The following CCDC63 variants were observed in gnomAD, a reference collection of about 807,000 sequenced individuals.
The protein encoded by CCDC63 is coiled-coil domain-containing protein 63.
In CCDC63, 54 loss-of-function variants were observed where a neutral mutation model predicts 63.6. The observed-to-expected ratio is 0.85, with a 90% CI of 0.68 to 1.07. CCDC63 has a LOEUF of 1.07. CCDC63 is among the 50% of genes least tolerant of loss of function. The probability of loss-of-function intolerance (pLI) is 0.00; values close to 1 mark genes in which losing one functional copy is unlikely to be tolerated. For missense variants in CCDC63, 637 were observed against 689.6 expected (o/e 0.92, Z 0.86); for synonymous variants, 253 against 266.1 (o/e 0.95, Z 0.48).
At chr12:110,863,522 G>A (rs1452335044) in intron 4 of CCDC63, among the ~76,000 whole-genome samples, 1 of 151,184 alleles carries the variant, frequency 6.6e-6, no homozygotes, top group Non-Finnish European at 1.5e-5. Context: ...TATCTGACTG[G>A]AAATAGGCTG....
chr12:110,881,275 G>A lies in CCDC63; in HGVS notation c.832G>A (p.Glu278Lys). 2 of 1,613,502 alleles carry A rather than the reference G, an allele frequency of 1.2e-6. No homozygotes were observed. The highest frequency in any genetic ancestry group is 2.2e-5 in the East Asian group (1 of 44,856). Residue 278 changes from glutamate (E) to lysine (K), a missense_variant, in exon 7 of 12, where the codon GAG (glutamate) becomes AAG (lysine). By Grantham distance (56) the Glu-to-Lys change is moderately conservative. Transcript: ENST00000308208. Reference sequence around the variant, plus strand: ...GCTGAATGATCGCAATGAATTCGAGGAGCAGGCCAAAAGGGAGGAAGGTAC... The same window carrying A: ...GCTGAATGATCGCAATGAATTCGAGAAGCAGGCCAAAAGGGAGGAAGGTAC... ...VKLNDRNEFE[E>K]QAKREEALKA...
At chr12:110,859,165 T>C (rs1194672036) in intron 4 of CCDC63, among the ~76,000 whole-genome samples, 1 of 152,204 alleles carries the variant, frequency 6.6e-6, no homozygotes, top group Admixed American at 6.5e-5. Flanking sequence ...GTGGGTTGGC[T>C]AAGAGCCCTT....
intron 9 of CCDC63, among the ~76,000 whole-genome samples, chr12:110,896,394 C>CGGCTGATTGCTGGTTGAGAG (rs1193173991): frequency 1.3e-5 from 2 of 152,176 alleles, no homozygotes; most frequent in Admixed American, 1.3e-4. Flanking sequence ...TGGAGGAAGC[C>CGGCTGATTGCTGGTTGAGAG]ACCTGATGTG....
In CCDC63 at chr12:110,884,080, A is replaced by G; in HGVS notation, c.904A>G (p.Ser302Gly). ...GAAGAACAGGGGAGAGAGTTTTGAG[A>G]GCTATGAGGTGGCCCACCTCCGGCT... is the stretch of plus-strand genomic sequence containing the variant. ...VKKNRGESFESYEVAHLRLLK... is the reference protein window; with the variant it reads ...VKKNRGESFEGYEVAHLRLLK... The change falls in exon 8 of 12, where the codon AGC (serine) becomes GGC (glycine). Residue 302 changes from serine to glycine, a missense_variant. Coordinates refer to ENST00000308208, the MANE Select transcript of CCDC63 (RefSeq NM_152591.3). The G allele has an allele frequency of 6.2e-7, 1 of 1,614,066 alleles. No homozygotes were observed. The highest frequency in any genetic ancestry group is 8.5e-7 in the Non-Finnish European group (1 of 1,180,006).
rs140510169 is a variant in CCDC63 at position 110,906,662 on chromosome 12, GCACA to G, written c.1547-661_1547-658del. ...ACACACACACATGCACACAACACAT[GCACA>G]CACACACGCACACACAGAGATCCTG... On this transcript the variant is annotated intron_variant, in intron 11 of 11. Transcript: ENST00000308208. Among the ~76,000 whole-genome samples, 67 of 151,812 alleles carry G rather than the reference GCACA, an allele frequency of 4.4e-4. 1 individual carries two copies. The East Asian group carries it at 0.01, about 23-fold the overall frequency.
chr12:110,864,682 T>G (rs1386798810), intron 4 of CCDC63, among the ~76,000 whole-genome samples: 1 of 148,134 alleles, frequency 6.8e-6, no homozygotes, highest in Non-Finnish European at 1.5e-5. Context: ...TACTCCAGCC[T>G]GGGCAACAGA....
intron 8 of CCDC63, among the ~76,000 whole-genome samples, chr12:110,884,853 T>TG (rs1491542741): frequency 8.2e-5 from 1 of 12,136 alleles, no homozygotes; most frequent in Non-Finnish European, 1.5e-4. Flanking sequence ...CGCCCTGCTA[T>TG]TTTTTTTTTT....
chr12:110,854,259 T>C (rs943917799), intron 3 of CCDC63, among the ~76,000 whole-genome samples: 4 of 149,502 alleles, frequency 2.7e-5, no homozygotes, highest in Admixed American at 2.0e-4. Flanking sequence ...TCTTTTCTTT[T>C]TTTTTTTTTT....
intron 10 of CCDC63, among the ~76,000 whole-genome samples, chr12:110,901,296 C>A (rs190054803): frequency 2.0e-5 from 3 of 152,232 alleles, no homozygotes; most frequent in Non-Finnish European, 2.9e-5. Context: ...CAATTATACT[C>A]TTTTAGTTAT....
chr12:110,891,032 G>A (rs1333377872), intron 8 of CCDC63, among the ~76,000 whole-genome samples: 1 of 151,992 alleles, frequency 6.6e-6, no homozygotes, highest in Non-Finnish European at 1.5e-5. Flanking sequence ...GCCCACCTTG[G>A]CCTCCCAAAG....
At chr12:110,852,207 T>C (rs1178586896) in intron 1 of CCDC63, among the ~76,000 whole-genome samples, 1 of 152,170 alleles carries the variant, frequency 6.6e-6, no homozygotes, top group Non-Finnish European at 1.5e-5. Context: ...ACAGCTGCAA[T>C]TGAAGTTGGG....
chr12:110,864,720 A>G (rs936741392), intron 4 of CCDC63, among the ~76,000 whole-genome samples: 1 of 152,044 alleles, frequency 6.6e-6, no homozygotes, highest in Non-Finnish European at 1.5e-5. Flanking sequence ...AAAAAAAAAA[A>G]AGAGAAAATA....
intron 5 of CCDC63, among the ~76,000 whole-genome samples, chr12:110,879,000 T>A (rs1315770863): frequency 6.6e-6 from 1 of 152,256 alleles, no homozygotes; most frequent in African/African-American, 2.4e-5. Context: ...TTTGCTTTAT[T>A]TGCTTCACCA....
intron 5 of CCDC63, among the ~76,000 whole-genome samples, chr12:110,877,960 G>A (rs897735426): frequency 5.3e-5 from 8 of 151,874 alleles, no homozygotes; most frequent in Non-Finnish European, 1.2e-4. Flanking sequence ...ACCCGCCTCA[G>A]CCTCCCAAAG....
rs576131337 is a variant in CCDC63, at chr12:110,902,178, G to C, written c.1343-2410G>C. Among the ~76,000 whole-genome samples, 41 of 152,282 alleles carry C rather than the reference G, an allele frequency of 2.7e-4. No individual in the cohort carries two copies. In the South Asian group the frequency reaches 4.8e-3, roughly 18 times the overall value. ...AGGCGAGCCACTCTTATCAGTTAAT[G>C]GTGTTGGGAATCCTGCTGAAATCCA... On this transcript the variant is annotated intron_variant, in intron 10 of 11. Transcript: ENST00000308208.
chr12:110,858,859 G>A, intron 4 of CCDC63, 84 bp downstream of exon 4: 5 of 1,134,628 alleles, frequency 4.4e-6, no homozygotes, highest in Non-Finnish European at 5.2e-6. Flanking sequence ...CCTTAGGCCA[G>A]ACCTGACACC....
intron 10 of CCDC63, among the ~76,000 whole-genome samples, chr12:110,904,018 C>T (rs186812390): frequency 1.3e-5 from 2 of 152,234 alleles, no homozygotes; most frequent in Non-Finnish European, 1.5e-5. Flanking sequence ...CATTGAGATA[C>T]CGTATGTCTG....
intron 9 of CCDC63, among the ~76,000 whole-genome samples, chr12:110,894,926 G>A (rs913626526): frequency 1.3e-5 from 2 of 152,218 alleles, no homozygotes; most frequent in Admixed American, 6.5e-5. Context: ...TTGTTTCTTT[G>A]TTTGTTTAGA....
chr12:110,878,603 C>T (rs1041834989), intron 5 of CCDC63, among the ~76,000 whole-genome samples: 2 of 152,252 alleles, frequency 1.3e-5, no homozygotes, highest in African/African-American at 2.4e-5. Context: ...GTGTGAGCCA[C>T]TGTGCCCAGC....
Sources: gnomAD v4.1 joint callset for allele counts (sites outside exome capture counted in the v4.1 genomes callset) on GRCh38, gnomAD v4.1.1 for gene constraint, MANE v1.5 for transcripts, NCBI Gene and HGNC (gene_info 2026-07-23, HGNC 2026-07-21) for gene names.